Variants in CCDC14 observed in about 807,000 individuals in gnomAD.
CCDC14 encodes the protein coiled-coil domain containing 14.
In CCDC14, 71 loss-of-function variants were observed where a neutral mutation model predicts 81.4. The observed-to-expected ratio is 0.87, with a 90% confidence interval of 0.72 to 1.06. The LOEUF (loss-of-function observed/expected upper bound fraction) is 1.06. Ranked by LOEUF, CCDC14 falls within the 50% of genes least tolerant of loss-of-function variation. The pLI is 0.00. For synonymous variants in CCDC14, 332 were observed against 364.8 expected, an observed-to-expected ratio of 0.91 and a Z score of 1.03; for missense variants, 1,046 against 1,047.3, an observed-to-expected ratio of 1.00 and a Z score of 0.02.
In CCDC14 at chr3:123,956,088, A is replaced by T. The variant is rs1231520329; in HGVS notation, c.187T>A (p.Cys63Ser). 5.8e-6 allele frequency: 9 copies of T among 1,548,260 alleles called. No individual in the cohort carries two copies. The highest frequency in any genetic ancestry group is 7.9e-6 in the Non-Finnish European group (9 of 1,145,852). ...QAETVHGLDG[C>S]ASLLRDILRN... ...AAAATGTCCCTCAGCAAAGAAGCACAACCATCAAGCCCGTGTACAGTTTCA... is the reference window on the plus strand; with the variant it reads ...AAAATGTCCCTCAGCAAAGAAGCACTACCATCAAGCCCGTGTACAGTTTCA... The change falls in exon 4 of 13, where the codon TGT (cysteine) becomes AGT (serine). Residue 63 changes from cysteine to serine, a missense_variant. Cys to Ser is a moderately radical substitution (Grantham distance 112). Transcript: ENST00000409697.
chr3:123,950,066 T>C (rs936899675), intron 5 of CCDC14, among the ~76,000 whole-genome samples: 4 of 152,234 alleles, frequency 2.6e-5, no homozygotes, highest in African/African-American at 9.6e-5. Context: ...GTTTTCTACA[T>C]AGCACTACCT....
rs1559762163 is a variant in CCDC14, at chr3:123,915,348, T to C, written c.2149A>G (p.Met717Val). 5 of 1,613,914 alleles carry C rather than the reference T, an allele frequency of 3.1e-6. No individual in the cohort carries two copies. Among genetic ancestry groups the C allele is most frequent in the Non-Finnish European group, 4.2e-6 (5 of 1,179,852 alleles). Residue 717 changes from methionine to valine, a missense_variant, in exon 13 of 13, where the codon ATG becomes GTG. Coordinates refer to ENST00000409697, the MANE Select transcript of CCDC14 (RefSeq NM_001366335.1). ...TTATGCTCATCTTCTATTAAAGCCATAGTTTCACTCCCTTCATCAGAATCC... is the reference window on the plus strand; with the variant it reads ...TTATGCTCATCTTCTATTAAAGCCACAGTTTCACTCCCTTCATCAGAATCC... ...KQDSDEGSET[M>V]ALIEDEHNLD...
the CCDC14 span, among the ~76,000 whole-genome samples, chr3:123,889,473 A>G: frequency 2.6e-5 from 4 of 152,204 alleles, no homozygotes; most frequent in African/African-American, 9.6e-5. Context: ...GCAAATCCAA[A>G]ACTCAGCAGG....
At chr3:123,887,688 A>C in the CCDC14 span, among the ~76,000 whole-genome samples, 2 of 152,130 alleles carry the variant, frequency 1.3e-5, no homozygotes, top group Non-Finnish European at 2.9e-5. Context: ...TTTTATTAGA[A>C]TGTTTGTTGG....
intron 9 of CCDC14, among the ~76,000 whole-genome samples, chr3:123,935,292 G>A (rs1156872825): frequency 6.6e-6 from 1 of 152,196 alleles, no homozygotes; most frequent in Non-Finnish European, 1.5e-5. Flanking sequence ...TACAGGAAAT[G>A]AATTAACTCA....
rs183253498 is a variant in CCDC14, at chr3:123,946,458, C to T, written c.1201+345G>A. Among the ~76,000 whole-genome samples the T allele has an allele frequency of 1.5e-3, 234 of 152,168 alleles. 1 individual carries two copies. The highest frequency in any genetic ancestry group is 5.3e-3 in the African/African-American group (221 of 41,534). On this transcript the variant is annotated intron_variant, in intron 8 of 12. Transcript: ENST00000409697. ...ATCTTTTTAAAACAGGAAGAATAAT[C>T]AGTCTACTCAGGGAGTTAATCATTT...
chr3:123,957,963 G>A (rs1355222355), intron 1 of CCDC14: 2 of 151,952 alleles, frequency 1.3e-5, no homozygotes, highest in African/African-American at 2.4e-5. Context: ...ACTTTCTAAA[G>A]TTATACGGCA....
At chr3:123,919,170 T>C (rs530142299) in intron 12 of CCDC14, among the ~76,000 whole-genome samples, 4 of 152,148 alleles carry the variant, frequency 2.6e-5, no homozygotes, top group Admixed American at 6.5e-5. Context: ...CCTGCCAGAC[T>C]TTAGTGTCCC....
intron 8 of CCDC14, among the ~76,000 whole-genome samples, chr3:123,945,771 C>G (rs12488035): frequency 0.11 from 16,719 of 152,136 alleles, 2,064 homozygotes; most frequent in East Asian, 0.42. Context: ...TTAACATCCT[C>G]ATGAAAAGTA....
At chr3:123,888,345 GA>G in the CCDC14 span, among the ~76,000 whole-genome samples, 9 of 152,064 alleles carry the variant, frequency 5.9e-5, no homozygotes, top group African/African-American at 2.2e-4. Flanking sequence ...CTTTTAAAAG[GA>G]GATTTGGTCC....
intron 5 of CCDC14, among the ~76,000 whole-genome samples, chr3:123,899,283 C>T (rs2034134052): frequency 6.6e-6 from 1 of 152,174 alleles, no homozygotes; most frequent in South Asian, 2.1e-4. Context: ...TATATGAGAA[C>T]ATGAACTAAG....
intron 1 of CCDC14, among the ~76,000 whole-genome samples, chr3:123,960,176 A>G (rs550255315): frequency 6.6e-6 from 1 of 152,292 alleles, no homozygotes; most frequent in Admixed American, 6.5e-5. Context: ...TTAAACTTTT[A>G]ATTTTGCTAT....
At chr3:123,933,584 C>T in intron 10 of CCDC14, 89 bp downstream of exon 10, 1 of 805,980 alleles carries the variant, frequency 1.2e-6, no homozygotes, top group South Asian at 1.7e-5. Flanking sequence ...TTAAATTTAT[C>T]CCCTCAAAGT....
chr3:123,894,107 A>G (rs552663298), downstream of CCDC14, among the ~76,000 whole-genome samples: 20 of 152,302 alleles, frequency 1.3e-4, no homozygotes, highest in African/African-American at 4.8e-4. Context: ...TAGCTCTTAA[A>G]TTTAGGTCTT....
chr3:123,956,106 C>T lies in CCDC14; in HGVS notation c.169G>A (p.Val57Ile). Residue 57 changes from valine (V) to isoleucine (I), a missense_variant, in exon 4 of 13, where the codon GTA becomes ATA. Physicochemically the swap from Val to Ile is conservative, Grantham distance 29 (BLOSUM62 3). Coordinates refer to ENST00000409697, the MANE Select transcript of CCDC14 (RefSeq NM_001366335.1). ...GAAGCACAACCATCAAGCCCGTGTA[C>T]AGTTTCAGCCTGTAAGAAATAAAGT... ...HSDSESQAETVHGLDGCASLL... is the reference protein window; with the variant it reads ...HSDSESQAETIHGLDGCASLL... 1 of 1,542,878 alleles carries T rather than the reference C, an allele frequency of 6.5e-7. No homozygotes were observed. The highest frequency in any genetic ancestry group is 1.2e-5 in the South Asian group (1 of 80,952).
chr3:123,914,388 A>T lies in CCDC14; in HGVS notation c.*391T>A. 1.0e-5 allele frequency: 10 copies of T among 986,204 alleles called. No homozygotes were observed. The highest frequency in any genetic ancestry group is 1.1e-5 in the Non-Finnish European group (9 of 830,356). The allele number at this position is 986,204 out of a possible 1,614,324, so 61.1% of individuals were successfully genotyped here. On this transcript the variant is annotated 3_prime_UTR_variant, in exon 13 of 13. Coordinates refer to ENST00000409697, the MANE Select transcript of CCDC14 (RefSeq NM_001366335.1). ...AAAGTATATGTAAACAGAAAAAAAA[A>T]ACCCTCTAGTTTCAACAGAAAAACT... is the stretch of plus-strand genomic sequence containing the variant.
In CCDC14 at chr3:123,915,021, G is replaced by C; in HGVS notation, c.2476C>G (p.Pro826Ala). 6.2e-7 allele frequency: 1 copy of C among 1,613,996 alleles called. No individual in the cohort carries two copies. The highest frequency in any genetic ancestry group is 2.2e-5 in the East Asian group (1 of 44,886). ...CCATGACATGCAGTTTGTTCCTCTG[G>C]CTCCTTGGTGGCAGCAGGGATCTTA... is the stretch of plus-strand genomic sequence containing the variant. ...IGKIPAATKE[P>A]EEQTACHGPS... Residue 826 changes from proline (P) to alanine (A), a missense_variant, in exon 13 of 13, where the codon CCA becomes GCA. Pro to Ala is a conservative substitution (Grantham distance 27). Coordinates refer to ENST00000409697, the MANE Select transcript of CCDC14 (RefSeq NM_001366335.1).
At chr3:123,927,174 G>C (rs1160814100) in intron 12 of CCDC14, among the ~76,000 whole-genome samples, 3 of 151,802 alleles carry the variant, frequency 2.0e-5, no homozygotes, top group Non-Finnish European at 4.4e-5. Context: ...GGGAGGCCAA[G>C]GTGGGAGAAC....
At chr3:123,887,410 T>G in the CCDC14 span, among the ~76,000 whole-genome samples, 6 of 152,048 alleles carry the variant, frequency 3.9e-5, no homozygotes, top group East Asian at 7.7e-4. Flanking sequence ...CCATTTTACT[T>G]GAAGGTCAAT....
Sources: allele counts gnomAD v4.1 joint callset (sites outside exome capture counted in the v4.1 genomes callset), GRCh38; gene constraint gnomAD v4.1.1; transcripts MANE v1.5; gene names NCBI Gene and HGNC (gene_info 2026-07-23, HGNC 2026-07-21).